SERPINI1: variants seen among roughly 807,000 people sequenced by gnomAD.
SERPINI1 encodes neuroserpin.
SERPINI1 carries 19 observed loss-of-function variants against 41.1 expected under a neutral mutation model. The observed-to-expected ratio is 0.46, with a 90% CI of 0.32 to 0.68. SERPINI1 has a LOEUF of 0.68. SERPINI1 is among the 30% of genes least tolerant of loss of function. The pLI is 0.03. For synonymous variants in SERPINI1, 138 were observed against 156.6 expected (o/e 0.88, Z 0.89); for missense variants, 460 against 479.2 (o/e 0.96, Z 0.37).
At chr3:167,811,217 A>AT (rs748231205) in intron 6 of SERPINI1, among the ~76,000 whole-genome samples, 2 of 150,366 alleles carry the variant, frequency 1.3e-5, no homozygotes, top group South Asian at 4.2e-4. Context: ...TTTCCAGAAG[A>AT]TTTTTTCTTT....
At chr3:167,800,186 A>G (rs1727856085) in intron 5 of SERPINI1, 1 of 152,224 alleles carries the variant, frequency 6.6e-6, no homozygotes, top group African/African-American at 2.4e-5. Flanking sequence ...ACATAGTTGT[A>G]CATCTCTAAG....
chr3:167,775,420 C>T (rs970292053), intron 1 of SERPINI1, among the ~76,000 whole-genome samples: 7 of 151,578 alleles, frequency 4.6e-5, no homozygotes, highest in Middle Eastern at 3.2e-3. Flanking sequence ...CCACCACGCC[C>T]GGCTAATTTT....
intron 1 of SERPINI1, among the ~76,000 whole-genome samples, chr3:167,753,551 G>A (rs1726108619): frequency 6.6e-6 from 1 of 152,066 alleles, no homozygotes; most frequent in African/African-American, 2.4e-5. Flanking sequence ...AGAGGCCTTG[G>A]GACCCTATGA....
chr3:167,769,515 A>T (rs6797312), intron 1 of SERPINI1, among the ~76,000 whole-genome samples: 68,128 of 152,012 alleles, frequency 0.45, 16,170 homozygotes, highest in African/African-American at 0.61. Context: ...AGTTTATCAG[A>T]TGCATTCTGG....
At chr3:167,778,112 G>T (rs1727018106) in intron 1 of SERPINI1, among the ~76,000 whole-genome samples, 1 of 152,124 alleles carries the variant, frequency 6.6e-6, no homozygotes, top group South Asian at 2.1e-4. Flanking sequence ...CCAGTCTGTG[G>T]TTATTCTATT....
chr3:167,807,200 C>T (rs761877028), intron 5 of SERPINI1, 44 bp from the exon 6 acceptor site: 3 of 1,261,080 alleles, frequency 2.4e-6, no homozygotes, highest in African/African-American at 2.9e-5. Context: ...TTCCAGGTAA[C>T]AAGATGCTCT....
chr3:167,737,371 G>A (rs1351874221), intron 1 of SERPINI1, among the ~76,000 whole-genome samples: 1 of 152,088 alleles, frequency 6.6e-6, no homozygotes, highest in African/African-American at 2.4e-5. Flanking sequence ...AAAAGCAACA[G>A]TAGCTGCTAA....
At chr3:167,756,011 CTA>C (rs1726182103) in intron 1 of SERPINI1, among the ~76,000 whole-genome samples, 1 of 152,084 alleles carries the variant, frequency 6.6e-6, no homozygotes, top group Admixed American at 6.5e-5. Flanking sequence ...GTCAGCACCA[CTA>C]GAGGCTAATT....
intron 6 of SERPINI1, among the ~76,000 whole-genome samples, chr3:167,818,275 A>G (rs7652215): frequency 0.3 from 46,078 of 151,558 alleles, 8,865 homozygotes; most frequent in African/African-American, 0.55. Context: ...TTATCTGCCC[A>G]CCTTAGCCTC....
chr3:167,747,896 A>C (rs1725913001), intron 1 of SERPINI1, among the ~76,000 whole-genome samples: 1 of 152,094 alleles, frequency 6.6e-6, no homozygotes, highest in African/African-American at 2.4e-5. Flanking sequence ...AGAGAAACTA[A>C]GACCTACCCA....
intron 1 of SERPINI1, among the ~76,000 whole-genome samples, chr3:167,784,965 A>G (rs1727261051): frequency 6.6e-6 from 1 of 152,186 alleles, no homozygotes; most frequent in Non-Finnish European, 1.5e-5. Context: ...GCTTCGCCCC[A>G]AGCATGGTGG....
intron 6 of SERPINI1, among the ~76,000 whole-genome samples, chr3:167,808,188 G>C (rs1711724865): frequency 7.0e-6 from 1 of 141,942 alleles, no homozygotes; most frequent in Non-Finnish European, 1.6e-5. Context: ...TAACTTCAAA[G>C]TATACCTGGC....
chr3:167,746,046 G>A (rs1269185462), intron 1 of SERPINI1, among the ~76,000 whole-genome samples: 1 of 152,076 alleles, frequency 6.6e-6, no homozygotes, highest in Non-Finnish European at 1.5e-5. Flanking sequence ...TGCAGCAATT[G>A]ACAAGTTGAA....
chr3:167,748,380 G>T lies in SERPINI1; in HGVS notation c.-19+12557G>T, dbSNP rs188851513. The stretch of plus-strand genomic sequence containing the variant: ...CAGAATTCGAGGCAAAACCTTTAAG[G>T]TCAAGGAAGGTAATTTATATTGATA... On this transcript the variant is annotated intron_variant, in intron 1 of 8. Coordinates refer to ENST00000446050, the MANE Select transcript of SERPINI1 (RefSeq NM_001122752.2). 2.5e-3 allele frequency among the ~76,000 whole-genome samples: 379 copies of T among 152,276 alleles called. 2 individuals carry two copies. Among genetic ancestry groups the T allele is most frequent in the African/African-American group, 8.4e-3 (350 of 41,546 alleles).
intron 1 of SERPINI1, among the ~76,000 whole-genome samples, chr3:167,755,950 G>T (rs996476912): frequency 1.3e-5 from 2 of 151,980 alleles, no homozygotes; most frequent in Non-Finnish European, 2.9e-5. Flanking sequence ...ACCCTGACTA[G>T]CTGGCTCCTC....
At chr3:167,821,645 C>T (rs1015562229) in intron 6 of SERPINI1, among the ~76,000 whole-genome samples, 2 of 152,132 alleles carry the variant, frequency 1.3e-5, no homozygotes, top group African/African-American at 4.8e-5. Flanking sequence ...CCTGCCAGGC[C>T]GAGTGGGCAC....
chr3:167,738,326 A>G (rs1484558816), intron 1 of SERPINI1, among the ~76,000 whole-genome samples: 1 of 152,150 alleles, frequency 6.6e-6, no homozygotes, highest in African/African-American at 2.4e-5. Context: ...AAATTACCAT[A>G]TCCTTTGGTC....
intron 1 of SERPINI1, among the ~76,000 whole-genome samples, chr3:167,766,752 T>C (rs546161452): frequency 2.5e-4 from 38 of 152,338 alleles, no homozygotes; most frequent in African/African-American, 8.9e-4. Context: ...AAACCAGCCA[T>C]AAAATTCCTT....
chr3:167,807,290 C>T lies in SERPINI1; in HGVS notation c.928C>T (p.Leu310Phe). 6.2e-7 allele frequency: 1 copy of T among 1,612,990 alleles called. No homozygotes were observed. Among genetic ancestry groups the T allele is most frequent in the Admixed American group, 1.7e-5 (1 of 59,910 alleles). Residue 310 changes from leucine (L) to phenylalanine (F), a missense_variant, in exon 6 of 9, where the codon CTT becomes TTT. Physicochemically the swap from Leu to Phe is conservative, Grantham distance 22. Coordinates refer to ENST00000446050, the MANE Select transcript of SERPINI1 (RefSeq NM_001122752.2). ...TGATTTAAAAGATGTTTTGAAGGCT[C>T]TTGGAATAACTGAAATTTTCATCAA... is the stretch of plus-strand genomic sequence containing the variant. ...EIDLKDVLKA[L>F]GITEIFIKDA...
Sources: gnomAD v4.1 joint callset for allele counts (sites outside exome capture counted in the v4.1 genomes callset) on GRCh38, gnomAD v4.1.1 for gene constraint, MANE v1.5 for transcripts, NCBI Gene and HGNC (gene_info 2026-07-23, HGNC 2026-07-21) for gene names.